DPYD: variants seen among roughly 807,000 people sequenced by gnomAD.
DPYD encodes the protein dihydropyrimidine dehydrogenase [NADP(+)].
Under a neutral mutation model 116.2 loss-of-function variants are expected in DPYD, and 109 were observed. The ratio of observed to expected loss-of-function variants is 0.94; its 90% CI spans 0.80 to 1.10. The LOEUF is 1.10. Among genes scored for constraint, DPYD ranks in the 50% least tolerant of loss-of-function variants. The pLI, the probability that DPYD is intolerant of heterozygous loss-of-function variation, is 0.00. For synonymous variants in DPYD, 440 were observed against 432.0 expected (o/e 1.02, Z -0.23); for missense variants, 1,302 against 1,254.5 (o/e 1.04, Z -0.57).
chr1:97,688,984 A>G (rs900774158), intron 7 of DPYD, among the ~76,000 whole-genome samples: 3 of 151,856 alleles, frequency 2.0e-5, no homozygotes, highest in African/African-American at 7.2e-5. Flanking sequence ...AAAATGTATT[A>G]ATGTAAGACT....
At chr1:97,583,983 A>C (rs187131021) in intron 10 of DPYD, among the ~76,000 whole-genome samples, 1,969 of 152,240 alleles carry the variant, frequency 0.013, 23 homozygotes, top group Middle Eastern at 0.024. Flanking sequence ...CCTGAGGAAT[A>C]GCCACACTGA....
At chr1:97,148,325 GA>G (rs1217610294) in intron 20 of DPYD, among the ~76,000 whole-genome samples, 1 of 151,896 alleles carries the variant, frequency 6.6e-6, no homozygotes, top group African/African-American at 2.4e-5. Flanking sequence ...TTTCCCTGAT[GA>G]AAGTTCCATA....
chr1:97,199,214 G>C (rs1421314732), intron 19 of DPYD, among the ~76,000 whole-genome samples: 1 of 152,098 alleles, frequency 6.6e-6, no homozygotes, highest in Admixed American at 6.6e-5. Flanking sequence ...ACTTAGTCAG[G>C]AGAGGGAGTA....
intron 18 of DPYD, among the ~76,000 whole-genome samples, chr1:97,261,436 C>T (rs894015103): frequency 1.3e-5 from 2 of 149,590 alleles, no homozygotes; most frequent in Admixed American, 6.7e-5. Context: ...GTGACACTTG[C>T]TAGTGTGGAT....
At chr1:97,339,816 G>A (rs1669504385) in intron 16 of DPYD, among the ~76,000 whole-genome samples, 1 of 152,134 alleles carries the variant, frequency 6.6e-6, no homozygotes, top group Non-Finnish European at 1.5e-5. Context: ...TTATGTTTGT[G>A]TGTGTGTTTA....
intron 12 of DPYD, among the ~76,000 whole-genome samples, chr1:97,541,449 A>C (rs1360308486): frequency 1.3e-5 from 2 of 152,182 alleles, no homozygotes; most frequent in African/African-American, 2.4e-5. Context: ...TGATTCTCGA[A>C]GGTCTTGTAC....
intron 8 of DPYD, among the ~76,000 whole-genome samples, chr1:97,652,625 G>T (rs1008960406): frequency 2.6e-5 from 4 of 152,106 alleles, no homozygotes; most frequent in Non-Finnish European, 2.9e-5. Flanking sequence ...TTTCATTCAG[G>T]TCTCAACAAA....
chr1:97,342,242 T>C (rs1405419233), intron 16 of DPYD, among the ~76,000 whole-genome samples: 1 of 152,190 alleles, frequency 6.6e-6, no homozygotes, highest in Non-Finnish European at 1.5e-5. Context: ...CATGATCTTG[T>C]CTACTTTCTT....
At chr1:97,744,514 T>C (rs906692507) in intron 3 of DPYD, among the ~76,000 whole-genome samples, 11 of 152,060 alleles carry the variant, frequency 7.2e-5, no homozygotes, top group Non-Finnish European at 1.6e-4. Context: ...TTGCATTGTC[T>C]TAGCTTTGCT....
At chr1:97,612,765 A>C (rs1414537834) in intron 8 of DPYD, among the ~76,000 whole-genome samples, 1 of 152,114 alleles carries the variant, frequency 6.6e-6, no homozygotes, top group Non-Finnish European at 1.5e-5. Context: ...ATACCATAGC[A>C]GTTGGGCTTG....
At chr1:97,410,118 T>G (rs1673899644) in intron 14 of DPYD, among the ~76,000 whole-genome samples, 1 of 151,570 alleles carries the variant, frequency 6.6e-6, no homozygotes, top group South Asian at 2.1e-4. Context: ...ACAAACGACC[T>G]CCTCCCAGCT....
At chr1:97,377,352 A>G (rs956111878) in intron 15 of DPYD, among the ~76,000 whole-genome samples, 2 of 152,324 alleles carry the variant, frequency 1.3e-5, no homozygotes, top group African/African-American at 4.8e-5. Flanking sequence ...TAAATACTAT[A>G]AAGGTGTATA....
chr1:97,481,783 T>C (rs1430291993), intron 13 of DPYD, among the ~76,000 whole-genome samples: 1 of 152,196 alleles, frequency 6.6e-6, no homozygotes, highest in Non-Finnish European at 1.5e-5. Flanking sequence ...TCATAATTGA[T>C]AGCTGCATTG....
chr1:97,638,355 TA>T (rs1657688506), intron 8 of DPYD, among the ~76,000 whole-genome samples: 1 of 152,092 alleles, frequency 6.6e-6, no homozygotes, highest in Admixed American at 6.6e-5. Flanking sequence ...CCTGACAGAA[TA>T]AGACACAGAT....
At chr1:97,255,872 A>G (rs1663421176) in intron 18 of DPYD, among the ~76,000 whole-genome samples, 1 of 152,184 alleles carries the variant, frequency 6.6e-6, no homozygotes, top group Admixed American at 6.5e-5. Context: ...AGAACAGCAG[A>G]CTATCTCATG....
intron 2 of DPYD, among the ~76,000 whole-genome samples, chr1:97,836,487 T>C (rs950185321): frequency 1.3e-5 from 2 of 152,156 alleles, no homozygotes; most frequent in African/African-American, 4.8e-5. Flanking sequence ...ACCCAGTGTG[T>C]GTAAGATTAA....
At chr1:97,104,740 T>A (rs1258322829) in intron 20 of DPYD, among the ~76,000 whole-genome samples, 9 of 152,102 alleles carry the variant, frequency 5.9e-5, no homozygotes, top group Non-Finnish European at 1.2e-4. Context: ...GGGGAGCCAA[T>A]GGACTGCTAA....
chr1:97,644,045 C>A (rs753247194), intron 8 of DPYD, among the ~76,000 whole-genome samples: 4 of 151,804 alleles, frequency 2.6e-5, no homozygotes, highest in Non-Finnish European at 5.9e-5. Context: ...AACAAACCTG[C>A]ACGTTCTGCA....
chr1:97,588,549 C>G (rs1018500814), intron 10 of DPYD, among the ~76,000 whole-genome samples: 1 of 152,204 alleles, frequency 6.6e-6, no homozygotes, highest in Non-Finnish European at 1.5e-5. Flanking sequence ...TCTATCTGAT[C>G]TGTCAACAGC....
Sources: gnomAD v4.1 joint callset for allele counts (sites outside exome capture counted in the v4.1 genomes callset) on GRCh38, gnomAD v4.1.1 for gene constraint, MANE v1.5 for transcripts, NCBI Gene and HGNC (gene_info 2026-07-23, HGNC 2026-07-21) for gene names.